Variants in NTF3 observed in about 807,000 individuals in gnomAD.
The protein encoded by NTF3 is neurotrophin-3.
In NTF3, 8 loss-of-function variants were observed where a neutral mutation model predicts 26.3. The observed-to-expected ratio is 0.30, with a 90% confidence interval of 0.18 to 0.55. The LOEUF (loss-of-function observed/expected upper bound fraction) is 0.55. Among genes scored for constraint, NTF3 ranks in the 20% least tolerant of loss-of-function variants. The pLI is 0.93. For missense variants in NTF3, 276 were observed against 352.9 expected (o/e 0.78, Z 1.75); for synonymous variants, 154 against 145.5 (o/e 1.06, Z -0.42).
At chr12:5,487,214 A>G (rs529105220) in intron 1 of NTF3, among the ~76,000 whole-genome samples, 1 of 152,332 alleles carries the variant, frequency 6.6e-6, no homozygotes, top group South Asian at 2.1e-4. Context: ...GGCCTGGGGA[A>G]TAACTGTCCT....
chr12:5,469,447 CT>C (rs2121207018), intron 1 of NTF3, among the ~76,000 whole-genome samples: 1 of 152,210 alleles, frequency 6.6e-6, no homozygotes, highest in South Asian at 2.1e-4. Context: ...CAGAACTGCA[CT>C]GGCAGGCATC....
At chr12:5,454,607 C>A (rs1441707019) in intron 1 of NTF3, among the ~76,000 whole-genome samples, 1 of 152,170 alleles carries the variant, frequency 6.6e-6, no homozygotes, top group African/African-American at 2.4e-5. Context: ...AGGGGCAGGG[C>A]CCCCATGTGG....
chr12:5,494,326 C>A lies in NTF3; in HGVS notation c.151C>A (p.Leu51Met), dbSNP rs759457655. Residue 51 changes from leucine to methionine, a missense_variant, in exon 2 of 2, where the codon CTG (leucine) becomes ATG (methionine). Physicochemically the swap from Leu to Met is conservative, Grantham distance 15. This residue lies in a region of NTF3 where 221 missense variants were observed against 258.2 expected (regional missense o/e 0.86). Coordinates refer to ENST00000423158, the MANE Select transcript of NTF3 (RefSeq NM_001102654.2). The surrounding 1 kb of genome is among the most constrained non-coding windows in gnomAD (Gnocchi z 8.3). Reference sequence around the variant, plus strand: ...CTCGCTCAATTCCCTCATTATTAAGCTGATCCAGGCAGATATTTTGAAAAA... The same window carrying A: ...CTCGCTCAATTCCCTCATTATTAAGATGATCCAGGCAGATATTTTGAAAAA... ...EDSLNSLIIK[L>M]IQADILKNKL... 1 of 1,614,066 alleles carries A rather than the reference C, an allele frequency of 6.2e-7. No homozygotes were observed. The highest frequency in any genetic ancestry group is 1.1e-5 in the South Asian group (1 of 91,068).
intron 1 of NTF3, among the ~76,000 whole-genome samples, chr12:5,465,240 C>A (rs1037155046): frequency 1.3e-5 from 2 of 152,202 alleles, no homozygotes; most frequent in Non-Finnish European, 2.9e-5. Flanking sequence ...TTGGGGACAG[C>A]TTCAGGGAGA....
intron 1 of NTF3, among the ~76,000 whole-genome samples, chr12:5,457,050 C>T (rs1369980976): frequency 6.6e-6 from 1 of 152,226 alleles, no homozygotes; most frequent in African/African-American, 2.4e-5. Context: ...AAGAACATAA[C>T]ATCTCGCTCC....
intron 1 of NTF3, among the ~76,000 whole-genome samples, chr12:5,481,611 A>G (rs111219318): frequency 0.015 from 1,552 of 102,404 alleles, 10 homozygotes; most frequent in Middle Eastern, 0.026. Flanking sequence ...ACATACAGAC[A>G]CACAGACATA....
intron 1 of NTF3, among the ~76,000 whole-genome samples, chr12:5,473,064 G>A (rs775058068): frequency 3.3e-5 from 5 of 152,126 alleles, no homozygotes; most frequent in Non-Finnish European, 7.4e-5. Flanking sequence ...CTCCTGGCCC[G>A]TCTCTAAATG....
Position 5,469,949 on chromosome 12 carries a change from T to G in NTF3, c.19-24245T>G, listed in dbSNP as rs559228608. On this transcript the variant is annotated intron_variant, in intron 1 of 1. Transcript: ENST00000423158. ...TTGTTTTGGTTTGGTTTTTGAGATG[T>G]AGTCTTGCTCTGTCACCCAGGCTAG... Among the ~76,000 whole-genome samples the G allele has an allele frequency of 3.9e-5, 6 of 152,076 alleles. No homozygotes were observed. In the East Asian group the frequency reaches 5.8e-4, roughly 15 times the overall value.
At chr12:5,465,522 A>G (rs1940578491) in intron 1 of NTF3, among the ~76,000 whole-genome samples, 1 of 152,226 alleles carries the variant, frequency 6.6e-6, no homozygotes. Context: ...GAGAACTACT[A>G]TTTATTGGAT....
intron 1 of NTF3, among the ~76,000 whole-genome samples, chr12:5,490,378 C>T (rs545034205): frequency 2.6e-4 from 39 of 152,284 alleles, no homozygotes; most frequent in Non-Finnish European, 4.7e-4. Flanking sequence ...TGGTCCCTGT[C>T]GTCAAAGAGA....
At chr12:5,480,549 G>A (rs575564107) in intron 1 of NTF3, among the ~76,000 whole-genome samples, 41 of 152,256 alleles carry the variant, frequency 2.7e-4, no homozygotes, top group African/African-American at 9.1e-4. Flanking sequence ...CACTCGGGAG[G>A]CGAACCGGCA....
chr12:5,452,080 C>T (rs543933802), intron 1 of NTF3, among the ~76,000 whole-genome samples: 1 of 144,814 alleles, frequency 6.9e-6, no homozygotes, highest in East Asian at 2.1e-4. Context: ...CGTATCTCCC[C>T]ATGTCTTTTT....
intron 1 of NTF3, among the ~76,000 whole-genome samples, chr12:5,478,768 G>C (rs1940754098): frequency 6.6e-6 from 1 of 152,230 alleles, no homozygotes; most frequent in South Asian, 2.1e-4. Flanking sequence ...ATTGGTCCAG[G>C]GGCAGAAGAG....
intron 1 of NTF3, among the ~76,000 whole-genome samples, chr12:5,470,940 G>C (rs567936897): frequency 6.6e-6 from 1 of 151,436 alleles, no homozygotes; most frequent in South Asian, 2.1e-4. Flanking sequence ...GATACACGCA[G>C]AAGCTGCACA....
At chr12:5,481,523 C>G (rs56152379) in intron 1 of NTF3, among the ~76,000 whole-genome samples, 2 of 33,020 alleles carry the variant, frequency 6.1e-5, no homozygotes, top group Non-Finnish European at 7.0e-5. Flanking sequence ...CACATGCACA[C>G]ACACAGACAC....
chr12:5,465,556 G>A (rs1272783124), intron 1 of NTF3, among the ~76,000 whole-genome samples: 1 of 152,246 alleles, frequency 6.6e-6, no homozygotes, highest in African/African-American at 2.4e-5. Context: ...CAAGCAGTGT[G>A]CACAGCAGGC....
chr12:5,462,925 G>A (rs936157983), intron 1 of NTF3, among the ~76,000 whole-genome samples: 4 of 152,172 alleles, frequency 2.6e-5, no homozygotes, highest in African/African-American at 9.7e-5. Context: ...AAGACATCTT[G>A]GTAGAGCTCT....
chr12:5,491,404 A>G (rs930877808), intron 1 of NTF3, among the ~76,000 whole-genome samples: 1 of 152,204 alleles, frequency 6.6e-6, no homozygotes. Flanking sequence ...ACTACTTATT[A>G]CAAAGTATCA....
At chr12:5,454,024 G>C (rs1940407044) in intron 1 of NTF3, among the ~76,000 whole-genome samples, 1 of 152,170 alleles carries the variant, frequency 6.6e-6, no homozygotes, top group Non-Finnish European at 1.5e-5. Flanking sequence ...CCTGAGAGTT[G>C]GGAAGTGTAT....
Sources: allele counts gnomAD v4.1 joint callset (sites outside exome capture counted in the v4.1 genomes callset), GRCh38; gene constraint gnomAD v4.1.1; regional missense constraint gnomAD v4.1.1; non-coding constraint Gnocchi (gnomAD v3.1); transcripts MANE v1.5; gene names NCBI Gene and HGNC (gene_info 2026-07-23, HGNC 2026-07-21).